Variants in GPM6A observed in about 807,000 individuals in gnomAD.
GPM6A encodes glycoprotein M6A, also known as neuronal membrane glycoprotein M6-a.
GPM6A carries 7 observed loss-of-function variants against 32.1 expected under a neutral mutation model. The ratio of observed to expected loss-of-function variants is 0.22; its 90% CI spans 0.12 to 0.41. The LOEUF is 0.41. Ranked by LOEUF, GPM6A falls within the 10% of genes least tolerant of loss-of-function variation. The probability of loss-of-function intolerance (pLI) is 1.00; values close to 1 mark genes in which losing one functional copy is unlikely to be tolerated. For synonymous variants in GPM6A, 130 were observed against 123.4 expected, an observed-to-expected ratio of 1.05 and a Z score of -0.35; for missense variants, 235 against 347.2, an observed-to-expected ratio of 0.68 and a Z score of 2.57.
chr4:175,789,897 C>T (rs1246622100), intron 1 of GPM6A, among the ~76,000 whole-genome samples: 1 of 152,080 alleles, frequency 6.6e-6, no homozygotes, highest in African/African-American at 2.4e-5. Context: ...AAATCATTTA[C>T]AAGGAGAAAG....
At chr4:175,918,085 T>C (rs1231616543) in intron 1 of GPM6A, among the ~76,000 whole-genome samples, 1 of 151,808 alleles carries the variant, frequency 6.6e-6, no homozygotes, top group African/African-American at 2.4e-5. Context: ...ATTCCCACAA[T>C]GAAAATTTCT....
chr4:175,928,787 G>T (rs1738930428), intron 1 of GPM6A, among the ~76,000 whole-genome samples: 1 of 152,132 alleles, frequency 6.6e-6, no homozygotes, highest in Non-Finnish European at 1.5e-5. Flanking sequence ...ATCACATTTT[G>T]CTCTACTTGG....
intron 1 of GPM6A, among the ~76,000 whole-genome samples, chr4:175,886,006 GC>G (rs1716120246): frequency 6.6e-6 from 1 of 152,080 alleles, no homozygotes; most frequent in African/African-American, 2.4e-5. Flanking sequence ...ATAAAAAACA[GC>G]ATTAAGAGAC....
At chr4:175,923,576 C>T (rs145899228) in intron 1 of GPM6A, among the ~76,000 whole-genome samples, 1 of 151,730 alleles carries the variant, frequency 6.6e-6, no homozygotes, top group Admixed American at 6.6e-5. Flanking sequence ...GTTTTTAAGA[C>T]AAGATCGGGC....
chr4:175,897,701 T>C (rs1249516918), intron 1 of GPM6A, among the ~76,000 whole-genome samples: 1 of 151,956 alleles, frequency 6.6e-6, no homozygotes, highest in Non-Finnish European at 1.5e-5. Flanking sequence ...GAAAGAAGAG[T>C]TTAGTACTAG....
chr4:175,970,883 C>T (rs369701053), intron 1 of GPM6A: 2 of 455,428 alleles, frequency 4.4e-6, no homozygotes, highest in Non-Finnish European at 8.8e-6. Context: ...CAAGTGTAGG[C>T]ATCACTCGAT....
chr4:175,969,170 CTA>C (rs1740422449), intron 1 of GPM6A, among the ~76,000 whole-genome samples: 1 of 152,102 alleles, frequency 6.6e-6, no homozygotes, highest in Non-Finnish European at 1.5e-5. Context: ...AGGCTATGTA[CTA>C]TATGACTGCA....
At chr4:175,891,454 C>A (rs1009392335) in intron 1 of GPM6A, 18 of 152,182 alleles carry the variant, frequency 1.2e-4, no homozygotes, top group African/African-American at 4.3e-4. Context: ...TGAGTCCTCC[C>A]AGACTTACCT....
chr4:175,715,721 T>C (rs1249214294), intron 1 of GPM6A, among the ~76,000 whole-genome samples: 2 of 148,734 alleles, frequency 1.3e-5, no homozygotes, highest in Admixed American at 1.3e-4. Flanking sequence ...ACTATTGACT[T>C]TTTTTTTTTT....
chr4:175,965,297 A>G (rs1740299512), intron 1 of GPM6A, among the ~76,000 whole-genome samples: 2 of 152,212 alleles, frequency 1.3e-5, no homozygotes, highest in South Asian at 4.1e-4. Flanking sequence ...TGGTACTTAG[A>G]CAAAAATTTA....
At chr4:175,860,341 C>T (rs1466584591) in intron 1 of GPM6A, among the ~76,000 whole-genome samples, 4 of 151,894 alleles carry the variant, frequency 2.6e-5, no homozygotes, top group South Asian at 4.2e-4. Context: ...ACACAAATTA[C>T]CAATATTAGA....
chr4:175,890,137 GA>G (rs1481859388), intron 1 of GPM6A, among the ~76,000 whole-genome samples: 1 of 152,162 alleles, frequency 6.6e-6, no homozygotes, highest in African/African-American at 2.4e-5. Flanking sequence ...AGAAGACTGA[GA>G]AAATTTGATA....
In GPM6A at chr4:175,850,541, GGAA is replaced by G. The variant is rs531749710; in HGVS notation, c.-22-38295_-22-38293del. On this transcript the variant is annotated intron_variant, in intron 1 of 7. Transcript: ENST00000280187. ...CTTTGATATACTAATACACCATGTG[GGAA>G]GAAGATAAAAGTAGGTTTGGAATTC... 1.9e-3 allele frequency among the ~76,000 whole-genome samples: 290 copies of G among 152,126 alleles called. 1 individual carries two copies. The highest frequency in any genetic ancestry group is 6.7e-3 in the African/African-American group (280 of 41,506).
chr4:175,654,942 G>T lies in GPM6A; in HGVS notation c.388-2955C>A, dbSNP rs561592928. 2.0e-5 allele frequency among the ~76,000 whole-genome samples: 3 copies of T among 152,122 alleles called. No homozygotes were observed. The South Asian group carries it at 6.2e-4, about 32-fold the overall frequency. On this transcript the variant is annotated intron_variant, in intron 3 of 6. Transcript: ENST00000393658. ...TTATTTTTCATTTGTTCTACCCTTA[G>T]GGATCTTTCTAAAGCTTCTTTTGAA... is the stretch of plus-strand genomic sequence containing the variant.
At chr4:175,777,883 A>G (rs1010490698) in intron 1 of GPM6A, among the ~76,000 whole-genome samples, 11 of 152,292 alleles carry the variant, frequency 7.2e-5, no homozygotes, top group African/African-American at 2.6e-4. Flanking sequence ...GATAGGAATT[A>G]TTTTTCTTTG....
At chr4:175,658,297 C>T (rs1166553779) in intron 3 of GPM6A, among the ~76,000 whole-genome samples, 2 of 144,424 alleles carry the variant, frequency 1.4e-5, no homozygotes, top group African/African-American at 5.1e-5. Flanking sequence ...ATGCATATGA[C>T]TGAAAAAAAA....
intron 1 of GPM6A, among the ~76,000 whole-genome samples, chr4:175,722,012 TG>T (rs1746159064): frequency 6.6e-6 from 1 of 152,116 alleles, no homozygotes; most frequent in Non-Finnish European, 1.5e-5. Context: ...ATGCGCCAGG[TG>T]CAATGTCCCA....
At chr4:175,720,349 A>AC (rs1180360220) in intron 1 of GPM6A, among the ~76,000 whole-genome samples, 1 of 152,232 alleles carries the variant, frequency 6.6e-6, no homozygotes, top group Non-Finnish European at 1.5e-5. Flanking sequence ...ATGAATACAC[A>AC]CAAAGCTCAT....
chr4:175,641,693 T>G (rs1198872559), intron 4 of GPM6A: 1 of 152,262 alleles, frequency 6.6e-6, no homozygotes, highest in Non-Finnish European at 1.5e-5. Context: ...TTTCATGGTT[T>G]GTTTTGTTTT....
Sources: gnomAD v4.1 joint callset for allele counts (sites outside exome capture counted in the v4.1 genomes callset) on GRCh38, gnomAD v4.1.1 for gene constraint, MANE v1.5 for transcripts, NCBI Gene and HGNC (gene_info 2026-07-23, HGNC 2026-07-21) for gene names.